Variants in IMMP2L observed in about 807,000 individuals in gnomAD.
IMMP2L encodes inner mitochondrial membrane peptidase subunit 2, also known as mitochondrial inner membrane protease subunit 2.
In IMMP2L, 18 loss-of-function variants were observed where a neutral mutation model predicts 19.3. The observed-to-expected ratio is 0.93, with a 90% CI of 0.64 to 1.38. IMMP2L has a LOEUF of 1.38. Ranked by LOEUF, IMMP2L falls within the 40% of genes most tolerant of loss-of-function variation. IMMP2L has a pLI of 0.00. For missense variants in IMMP2L, 233 were observed against 218.2 expected (o/e 1.07, Z -0.43); for synonymous variants, 76 against 73.0 (o/e 1.04, Z -0.21).
intron 3 of IMMP2L, among the ~76,000 whole-genome samples, chr7:111,181,847 T>C (rs1023150532): frequency 1.3e-5 from 2 of 152,010 alleles, no homozygotes; most frequent in Non-Finnish European, 2.9e-5. Flanking sequence ...GCTTACTTCT[T>C]ACGGCTAAAA....
At chr7:110,830,074 C>T (rs1005461386) in intron 5 of IMMP2L, among the ~76,000 whole-genome samples, 10 of 152,106 alleles carry the variant, frequency 6.6e-5, no homozygotes, top group African/African-American at 2.4e-4. Context: ...TTCCCCAACT[C>T]TCCAAATTTT....
At chr7:111,458,510 T>C (rs1289741563) in intron 3 of IMMP2L, among the ~76,000 whole-genome samples, 1 of 152,152 alleles carries the variant, frequency 6.6e-6, no homozygotes, top group African/African-American at 2.4e-5. Context: ...AAATTACCAA[T>C]AAAATTGTTC....
At chr7:110,956,640 G>A (rs1490916013) in intron 4 of IMMP2L, among the ~76,000 whole-genome samples, 2 of 151,926 alleles carry the variant, frequency 1.3e-5, no homozygotes, top group Admixed American at 1.3e-4. Flanking sequence ...TAGTTTAGAT[G>A]ATAAGTTATA....
intron 3 of IMMP2L, among the ~76,000 whole-genome samples, chr7:111,070,015 G>T (rs1210037845): frequency 6.6e-6 from 1 of 152,050 alleles, no homozygotes; most frequent in Non-Finnish European, 1.5e-5. Context: ...CATAAGAAAG[G>T]TGATAAATAT....
chr7:111,410,544 A>G (rs1166503769), intron 3 of IMMP2L, among the ~76,000 whole-genome samples: 3 of 151,748 alleles, frequency 2.0e-5, no homozygotes, highest in Admixed American at 2.0e-4. Flanking sequence ...AGACAGACAA[A>G]TAAAAGGGAG....
chr7:111,091,388 A>T (rs1796847469), intron 3 of IMMP2L: 1 of 152,174 alleles, frequency 6.6e-6, no homozygotes, highest in South Asian at 2.1e-4. Context: ...CAGACACACA[A>T]ATGCACCTAT....
intron 3 of IMMP2L, among the ~76,000 whole-genome samples, chr7:111,016,680 A>C (rs1371823300): frequency 9.5e-6 from 1 of 105,334 alleles, no homozygotes; most frequent in African/African-American, 4.0e-5. Flanking sequence ...TATATAATAT[A>C]TAAATTATAT....
intron 1 of IMMP2L, among the ~76,000 whole-genome samples, chr7:111,560,772 T>C (rs1473228164): frequency 6.6e-6 from 1 of 152,228 alleles, no homozygotes; most frequent in Non-Finnish European, 1.5e-5. Flanking sequence ...GCGTAGCACA[T>C]GGTAAGAGAG....
chr7:111,224,234 G>T (rs1242480987), intron 3 of IMMP2L, among the ~76,000 whole-genome samples: 1 of 152,252 alleles, frequency 6.6e-6, no homozygotes, highest in African/African-American at 2.4e-5. Flanking sequence ...AGAACCACAA[G>T]TGAGAATGTC....
chr7:110,700,396 G>A lies in IMMP2L; in HGVS notation c.409-36675C>T, dbSNP rs564948785. On this transcript the variant is annotated intron_variant, in intron 5 of 5. Coordinates refer to ENST00000405709, the MANE Select transcript of IMMP2L (RefSeq NM_032549.4). Reference sequence around the variant, plus strand: ...CACTACTTGCCACCATCCCAAACCCGCATATACTGCCTTGTAGATTTTACC... The same window carrying A: ...CACTACTTGCCACCATCCCAAACCCACATATACTGCCTTGTAGATTTTACC... Among the ~76,000 whole-genome samples, 9 of 134,064 alleles carry A rather than the reference G, an allele frequency of 6.7e-5. No individual in the cohort carries two copies. The South Asian group carries it at 1.1e-3, about 17-fold the overall frequency. 88.0% of individuals were successfully genotyped at this position (134,064 alleles called of 152,430 possible). A position where few individuals can be genotyped will look rare whatever the true frequency, so the allele number is the denominator to read the frequency against.
chr7:110,984,223 C>A (rs1821617577), intron 3 of IMMP2L, among the ~76,000 whole-genome samples: 1 of 151,200 alleles, frequency 6.6e-6, no homozygotes, highest in Non-Finnish European at 1.5e-5. Context: ...TGGGTCACGT[C>A]AGATATCAGA....
At chr7:111,207,672 A>G (rs1418819909) in intron 3 of IMMP2L, among the ~76,000 whole-genome samples, 2 of 149,612 alleles carry the variant, frequency 1.3e-5, no homozygotes, top group African/African-American at 4.9e-5. Flanking sequence ...AGTAGCTGGG[A>G]CTACAGGTGC....
intron 3 of IMMP2L, among the ~76,000 whole-genome samples, chr7:111,409,202 G>A (rs1401365938): frequency 6.6e-6 from 1 of 151,392 alleles, no homozygotes; most frequent in East Asian, 1.9e-4. Flanking sequence ...TCCATTTAAA[G>A]TTGAAGAAAC....
At chr7:110,832,853 G>A (rs1229495316) in intron 5 of IMMP2L, among the ~76,000 whole-genome samples, 2 of 152,142 alleles carry the variant, frequency 1.3e-5, no homozygotes, top group Non-Finnish European at 2.9e-5. Context: ...CACAGAAGTC[G>A]TGATGAGTTT....
intron 5 of IMMP2L, among the ~76,000 whole-genome samples, chr7:110,879,355 T>G (rs1809404175): frequency 6.6e-6 from 1 of 150,790 alleles, no homozygotes; most frequent in African/African-American, 2.4e-5. Context: ...GCCACTGTAC[T>G]CCAGCCTGGG....
intron 1 of IMMP2L, among the ~76,000 whole-genome samples, chr7:111,521,783 C>G (rs1157869258): frequency 1.3e-5 from 2 of 152,004 alleles, no homozygotes; most frequent in African/African-American, 4.8e-5. Context: ...CTCCTTATAC[C>G]CCTGATATCT....
chr7:111,306,410 G>T (rs924570624), intron 3 of IMMP2L, among the ~76,000 whole-genome samples: 1 of 152,080 alleles, frequency 6.6e-6, no homozygotes, highest in African/African-American at 2.4e-5. Context: ...GGGAACAGGA[G>T]TAGGTACATA....
chr7:111,426,427 T>A (rs370410769), intron 3 of IMMP2L, among the ~76,000 whole-genome samples: 4 of 150,878 alleles, frequency 2.7e-5, no homozygotes, highest in African/African-American at 9.8e-5. Flanking sequence ...TGCAATAACA[T>A]GTTTTCCCTG....
intron 5 of IMMP2L, among the ~76,000 whole-genome samples, chr7:110,762,100 T>G: frequency 6.6e-6 from 1 of 152,160 alleles, no homozygotes; most frequent in East Asian, 1.9e-4. Flanking sequence ...TTTTAACAGC[T>G]ATTTTAAGGC....
Sources: gnomAD v4.1 joint callset for allele counts (sites outside exome capture counted in the v4.1 genomes callset) on GRCh38, gnomAD v4.1.1 for gene constraint, MANE v1.5 for transcripts, NCBI Gene and HGNC (gene_info 2026-07-23, HGNC 2026-07-21) for gene names.